Variants in ZFAT observed in about 807,000 individuals in gnomAD.
ZFAT encodes zinc finger protein ZFAT.
A neutral mutation model predicts 117.7 loss-of-function variants in ZFAT; 64 were observed. The observed-to-expected ratio is 0.54, with a 90% CI of 0.44 to 0.67. The LOEUF (loss-of-function observed/expected upper bound fraction) is 0.67. Among genes scored for constraint, ZFAT ranks in the 30% least tolerant of loss-of-function variants. The probability of loss-of-function intolerance (pLI) is 0.00; values close to 1 mark genes in which losing one functional copy is unlikely to be tolerated. For missense variants in ZFAT, 1,433 were observed against 1,584.5 expected (o/e 0.90, Z 1.62); for synonymous variants, 679 against 615.0 (o/e 1.10, Z -1.54).
At chr8:134,506,336 G>C (rs755799818) in intron 15 of ZFAT, among the ~76,000 whole-genome samples, 3 of 152,198 alleles carry the variant, frequency 2.0e-5, no homozygotes, top group Non-Finnish European at 4.4e-5. Flanking sequence ...AGTGGGGCAC[G>C]CAAGCATGAT....
intron 2 of ZFAT, among the ~76,000 whole-genome samples, chr8:134,651,711 G>A (rs771120598): frequency 1.9e-4 from 29 of 152,224 alleles, no homozygotes; most frequent in Non-Finnish European, 2.6e-4. Flanking sequence ...AGATAATGAA[G>A]CAGAGGCAAT....
intron 3 of ZFAT, among the ~76,000 whole-genome samples, chr8:134,621,025 T>C (rs1032284581): frequency 6.6e-6 from 1 of 152,084 alleles, no homozygotes; most frequent in Non-Finnish European, 1.5e-5. Flanking sequence ...GTATTTTGTT[T>C]TCATTGTATT....
intron 2 of ZFAT, among the ~76,000 whole-genome samples, chr8:134,646,779 C>T (rs932074267): frequency 1.3e-5 from 2 of 151,896 alleles, no homozygotes; most frequent in African/African-American, 4.8e-5. Flanking sequence ...AATTATATGC[C>T]AACCAACTAG....
chr8:134,671,325 C>T (rs55738595), intron 1 of ZFAT, among the ~76,000 whole-genome samples: 52,489 of 151,952 alleles, frequency 0.35, 9,427 homozygotes, highest in South Asian at 0.43. Flanking sequence ...GACCAATATC[C>T]CTGATGAACA....
At position 134,702,855 on chromosome 8, in the gene ZFAT, TAGA is replaced by T. The variant is rs376471368; in HGVS notation, c.19+9987_19+9989del. Among the ~76,000 whole-genome samples the T allele has an allele frequency of 1.5e-3, 229 of 152,246 alleles. 1 individual carries two copies. The highest frequency in any genetic ancestry group is 5.3e-3 in the African/African-American group (221 of 41,552). On this transcript the variant is annotated intron_variant, in intron 1 of 15. Transcript: ENST00000377838. ...TCCAGCTAATTTCTTGTATTTTTAG[TAGA>T]GACGGGGTTTCACCATGTTAGCCAG...
chr8:134,664,732 T>C (rs1832123586), intron 1 of ZFAT, among the ~76,000 whole-genome samples: 2 of 152,240 alleles, frequency 1.3e-5, no homozygotes, highest in Admixed American at 1.3e-4. Context: ...TTTTCTATAG[T>C]GGACTAATAT....
At chr8:134,512,858 G>A (rs1282113222) in intron 13 of ZFAT, among the ~76,000 whole-genome samples, 1 of 152,242 alleles carries the variant, frequency 6.6e-6, no homozygotes, top group Non-Finnish European at 1.5e-5. Context: ...GGGAAACAGA[G>A]TATGTATGCT....
the ZFAT span, among the ~76,000 whole-genome samples, chr8:134,727,555 C>G: frequency 6.6e-6 from 1 of 152,104 alleles, no homozygotes; most frequent in Non-Finnish European, 1.5e-5. Context: ...AAACATACTG[C>G]AAATTATAAT....
At chr8:134,819,861 C>CG in the ZFAT span, among the ~76,000 whole-genome samples, 6 of 151,720 alleles carry the variant, frequency 4.0e-5, no homozygotes, top group East Asian at 3.9e-4. Context: ...TAGCTTCTCA[C>CG]GGGGGGAAGA....
At position 134,602,370 on chromosome 8, in the gene ZFAT, T is replaced by A; in HGVS notation, c.1349A>T (p.His450Leu). The change falls in exon 6 of 16, where the codon CAT becomes CTT. Residue 450 changes from histidine to leucine, a missense_variant. By Grantham distance (99) the His-to-Leu change is moderately conservative. This residue lies in a region of ZFAT where 73 missense variants were observed against 122.0 expected (regional missense o/e 0.60). Transcript: ENST00000377838. Reference protein sequence around the residue: ...GATKYQALELHVRKHPFVYVC... With the variant: ...GATKYQALELLVRKHPFVYVC... ...GTACACGAAGGGGTGCTTCCTGACA[T>A]GCAGTTCCAGCGCCTGGTACTTGGT... The A allele has an allele frequency of 6.2e-7, 1 of 1,613,862 alleles. No individual in the cohort carries two copies. Among genetic ancestry groups the A allele is most frequent in the Non-Finnish European group, 8.5e-7 (1 of 1,180,042 alleles).
intron 15 of ZFAT, among the ~76,000 whole-genome samples, chr8:134,492,024 GTT>G (rs1215038928): frequency 7.3e-6 from 1 of 136,444 alleles, no homozygotes; most frequent in African/African-American, 2.6e-5. Flanking sequence ...TTTTGTTTTT[GTT>G]TTTTGTTTTT....
the ZFAT span, among the ~76,000 whole-genome samples, chr8:134,789,630 T>C: frequency 6.6e-6 from 1 of 152,180 alleles, no homozygotes; most frequent in African/African-American, 2.4e-5. Context: ...AAATGCTACA[T>C]GGTAGAGAGT....
the ZFAT span, among the ~76,000 whole-genome samples, chr8:134,799,445 T>A: frequency 1.3e-5 from 2 of 152,212 alleles, no homozygotes; most frequent in Non-Finnish European, 2.9e-5. Flanking sequence ...AAAACAAAGC[T>A]ATAAAAAATT....
chr8:134,541,399 G>A (rs115387808), intron 11 of ZFAT, among the ~76,000 whole-genome samples: 3 of 152,174 alleles, frequency 2.0e-5, no homozygotes, highest in Non-Finnish European at 4.4e-5. Flanking sequence ...GCACTGCCTT[G>A]GGACTCTGCA....
At chr8:134,819,054 A>G in the ZFAT span, among the ~76,000 whole-genome samples, 508 of 152,342 alleles carry the variant, frequency 3.3e-3, 2 homozygotes, top group African/African-American at 0.012. Flanking sequence ...CATTTATTGT[A>G]TAACAACTAT....
the ZFAT span, among the ~76,000 whole-genome samples, chr8:134,752,748 C>T: frequency 4.6e-5 from 7 of 152,162 alleles, no homozygotes; most frequent in South Asian, 8.3e-4. Flanking sequence ...TTATGCAGCA[C>T]GCTCACATAG....
chr8:134,733,388 G>A, the ZFAT span, among the ~76,000 whole-genome samples: 4 of 152,186 alleles, frequency 2.6e-5, no homozygotes, highest in Non-Finnish European at 4.4e-5. Flanking sequence ...GGGGTAAAAC[G>A]AGCAGTTTAT....
chr8:134,556,730 T>C (rs1170625205), intron 11 of ZFAT, among the ~76,000 whole-genome samples: 3 of 152,044 alleles, frequency 2.0e-5, no homozygotes, highest in Non-Finnish European at 2.9e-5. Context: ...ACAGACATTC[T>C]CAAACAGACA....
chr8:134,619,750 A>T (rs539075918), intron 3 of ZFAT, among the ~76,000 whole-genome samples: 2 of 152,310 alleles, frequency 1.3e-5, no homozygotes, highest in East Asian at 3.9e-4. Context: ...GACGCTGCAC[A>T]TGCCACGGTC....
Sources: gnomAD v4.1 joint callset for allele counts (sites outside exome capture counted in the v4.1 genomes callset) on GRCh38, gnomAD v4.1.1 for gene constraint, gnomAD v4.1.1 regional missense constraint, MANE v1.5 for transcripts, NCBI Gene and HGNC (gene_info 2026-07-23, HGNC 2026-07-21) for gene names.